DPP10: variants seen among roughly 807,000 people sequenced by gnomAD.
The protein encoded by DPP10 is inactive dipeptidyl peptidase 10.
Under a neutral mutation model 120.9 loss-of-function variants are expected in DPP10, and 33 were observed. The ratio of observed to expected loss-of-function variants is 0.27; its 90% CI spans 0.21 to 0.37. The LOEUF is 0.37. Among genes scored for constraint, DPP10 ranks in the 10% least tolerant of loss-of-function variants. DPP10 has a pLI of 1.00. For missense variants in DPP10, 816 were observed against 942.8 expected (o/e 0.87, Z 1.76); for synonymous variants, 337 against 326.1 (o/e 1.03, Z -0.36).
intron 2 of DPP10, among the ~76,000 whole-genome samples, chr2:115,314,827 A>G (rs940768826): frequency 6.6e-6 from 1 of 152,168 alleles, no homozygotes; most frequent in African/African-American, 2.4e-5. Context: ...AAGTGAAGGA[A>G]ACTAGAGAAA....
At chr2:115,050,156 AAACT>A (rs1474475992) in intron 1 of DPP10, 3 of 152,194 alleles carry the variant, frequency 2.0e-5, no homozygotes, top group Non-Finnish European at 2.9e-5. Context: ...AGAATTCTGA[AAACT>A]AACTAAGATG....
intron 3 of DPP10, among the ~76,000 whole-genome samples, chr2:115,361,117 C>T (rs577341743): frequency 9.9e-5 from 15 of 152,072 alleles, no homozygotes; most frequent in Admixed American, 5.2e-4. Flanking sequence ...GGCAGATAGG[C>T]CACACCCTTC....
intron 1 of DPP10, among the ~76,000 whole-genome samples, chr2:114,947,654 A>G (rs1297977193): frequency 6.6e-6 from 1 of 151,982 alleles, no homozygotes; most frequent in Non-Finnish European, 1.5e-5. Context: ...CTTTGTTTTT[A>G]ACTGTAGTGA....
chr2:115,021,400 T>A (rs1000874075), intron 1 of DPP10, among the ~76,000 whole-genome samples: 6 of 151,966 alleles, frequency 3.9e-5, no homozygotes, highest in Non-Finnish European at 8.8e-5. Context: ...TTTAAACACA[T>A]AAACTGGAAA....
intron 3 of DPP10, among the ~76,000 whole-genome samples, chr2:115,344,728 T>C (rs901015943): frequency 7.9e-5 from 12 of 152,176 alleles, no homozygotes; most frequent in African/African-American, 2.7e-4. Context: ...ATCAGTTTTT[T>C]AATCCTTTGA....
chr2:115,212,130 G>A (rs1235918855), intron 1 of DPP10, among the ~76,000 whole-genome samples: 1 of 152,040 alleles, frequency 6.6e-6, no homozygotes, highest in African/African-American at 2.4e-5. Flanking sequence ...AAGTTGTGGG[G>A]TTAATCTTTA....
At chr2:114,751,408 G>C (rs1679208265) in intron 1 of DPP10, among the ~76,000 whole-genome samples, 1 of 152,164 alleles carries the variant, frequency 6.6e-6, no homozygotes, top group South Asian at 2.1e-4. Flanking sequence ...CGTTCATTTG[G>C]TCCTTATTGA....
At chr2:115,610,607 T>C (rs552487270) in intron 5 of DPP10, among the ~76,000 whole-genome samples, 17 of 152,306 alleles carry the variant, frequency 1.1e-4, no homozygotes, top group Middle Eastern at 3.4e-3. Context: ...AGAACTGTTT[T>C]ATAATTATCC....
Position 115,568,461 on chromosome 2 carries a change from G to A in DPP10, c.441+42489G>A, listed in dbSNP as rs143927393. ...TTGCGCCACTGCACTCCAGCCTGGC[G>A]ACAGAGCGAGACTCCGTCTAAAAAA... On this transcript the variant is annotated intron_variant, in intron 5 of 25. Transcript: ENST00000410059. Among the ~76,000 whole-genome samples, 578 of 152,012 alleles carry A rather than the reference G, an allele frequency of 3.8e-3. 1 individual carries two copies. Among genetic ancestry groups the A allele is most frequent in the African/African-American group, 0.014 (564 of 41,460 alleles).
intron 3 of DPP10, among the ~76,000 whole-genome samples, chr2:115,362,787 C>T (rs2064864665): frequency 6.6e-6 from 1 of 152,160 alleles, no homozygotes; most frequent in Non-Finnish European, 1.5e-5. Context: ...CTAGACCTTT[C>T]CTAGGGAATG....
chr2:115,204,504 T>C (rs1269539546), intron 1 of DPP10, among the ~76,000 whole-genome samples: 1 of 152,158 alleles, frequency 6.6e-6, no homozygotes, highest in Non-Finnish European at 1.5e-5. Context: ...GCCAGCACTT[T>C]ACAAAACATT....
intron 7 of DPP10, among the ~76,000 whole-genome samples, chr2:115,694,623 T>G (rs2091484837): frequency 6.6e-6 from 1 of 152,178 alleles, no homozygotes; most frequent in Non-Finnish European, 1.5e-5. Context: ...GGAAGAGGAA[T>G]CTGGGAATTA....
At chr2:115,212,573 A>T (rs570842022) in intron 1 of DPP10, among the ~76,000 whole-genome samples, 164 of 152,242 alleles carry the variant, frequency 1.1e-3, no homozygotes, top group Middle Eastern at 3.4e-3. Context: ...TTGTGTTTAG[A>T]ATGGTCATCT....
intron 3 of DPP10, among the ~76,000 whole-genome samples, chr2:115,443,766 T>C (rs1196794933): frequency 1.3e-5 from 2 of 152,186 alleles, no homozygotes; most frequent in African/African-American, 4.8e-5. Flanking sequence ...TTTAATGTTT[T>C]CTAGGTGGTG....
At chr2:114,771,281 C>G (rs2106151167) in intron 1 of DPP10, among the ~76,000 whole-genome samples, 1 of 152,286 alleles carries the variant, frequency 6.6e-6, no homozygotes, top group East Asian at 1.9e-4. Context: ...AGCCCAACTG[C>G]AGGGCTATTC....
intron 1 of DPP10, chr2:115,050,258 G>A (rs1161335798): frequency 2.6e-5 from 4 of 152,142 alleles, no homozygotes; most frequent in Admixed American, 6.6e-5. Flanking sequence ...CACTTACCCT[G>A]GTTCCATCCC....
intron 1 of DPP10, among the ~76,000 whole-genome samples, chr2:115,270,233 T>C (rs935582665): frequency 6.6e-6 from 1 of 152,008 alleles, no homozygotes; most frequent in African/African-American, 2.4e-5. Flanking sequence ...AAATTGGGTA[T>C]GGATGTATTG....
chr2:115,132,485 T>A (rs928263645), intron 1 of DPP10, among the ~76,000 whole-genome samples: 2 of 152,218 alleles, frequency 1.3e-5, no homozygotes, highest in African/African-American at 2.4e-5. Context: ...AAATATTTTA[T>A]TTCCTTCGGG....
In DPP10 at chr2:114,562,740, A is replaced by G. The variant is rs111515246; in HGVS notation, c.60+119902A>G. Among the ~76,000 whole-genome samples, 1,100 of 152,350 alleles carry G rather than the reference A, an allele frequency of 7.2e-3. 14 individuals carry two copies. The highest frequency in any genetic ancestry group is 0.024 in the African/African-American group (1,016 of 41,576). On this transcript the variant is annotated intron_variant, in intron 1 of 25. Transcript: ENST00000410059. ...AGAAGATGAATTAAGTATTAAAATC[A>G]TACTCTGTAAAAGGAATTATATATT... is the stretch of plus-strand genomic sequence containing the variant.
Sources: allele counts gnomAD v4.1 joint callset (sites outside exome capture counted in the v4.1 genomes callset), GRCh38; gene constraint gnomAD v4.1.1; transcripts MANE v1.5; gene names NCBI Gene and HGNC (gene_info 2026-07-23, HGNC 2026-07-21).